Variants in SPOP observed in about 807,000 individuals in gnomAD.
The protein encoded by SPOP is speckle-type POZ protein.
A neutral mutation model predicts 45.6 loss-of-function variants in SPOP; 11 were observed. That is an observed-to-expected ratio of 0.24 (90% CI 0.15 to 0.40). The LOEUF (loss-of-function observed/expected upper bound fraction) is 0.40, where lower values mean the gene tolerates loss of function less well. Ranked by LOEUF, SPOP falls within the 10% of genes least tolerant of loss-of-function variation. The pLI is 1.00. For synonymous variants in SPOP, 166 were observed against 166.3 expected, an observed-to-expected ratio of 1.00 and a Z score of 0.01; for missense variants, 152 against 465.6, an observed-to-expected ratio of 0.33 and a Z score of 6.20.
In SPOP at chr17:49,600,015, T is replaced by C; in HGVS notation, c.*363A>G. The C allele has an allele frequency of 4.1e-6, 1 of 245,470 alleles. No individual in the cohort carries two copies. Among genetic ancestry groups the C allele is most frequent in the African/African-American group, 2.2e-5 (1 of 45,818 alleles). 15.2% of individuals were successfully genotyped at this position (245,470 alleles called of 1,614,324 possible). The stretch of plus-strand genomic sequence containing the variant: ...AACTCAATGTCCTTTCTTTTTTTTT[T>C]TTCCTTTTTGCTCCAGGCACCTGAC... On this transcript the variant is annotated 3_prime_UTR_variant, in exon 10 of 10. Transcript: ENST00000504102. The surrounding 1 kb of genome is among the most constrained non-coding windows in gnomAD (Gnocchi z 4.2).
intron 1 of SPOP, among the ~76,000 whole-genome samples, chr17:49,670,676 A>G (rs752998229): frequency 3.3e-5 from 5 of 152,182 alleles, no homozygotes; most frequent in Non-Finnish European, 5.9e-5. Flanking sequence ...TAGTGTGATG[A>G]ATTTTCAGAA....
chr17:49,640,958 G>A (rs2072635229), intron 1 of SPOP, among the ~76,000 whole-genome samples: 1 of 152,000 alleles, frequency 6.6e-6, no homozygotes, highest in African/African-American at 2.4e-5. Flanking sequence ...GGTCTTCCCT[G>A]ATACCCTTAA....
rs190645940 is a variant in SPOP, at chr17:49,627,128, C to T, written c.-66-4252G>A. 1.9e-4 allele frequency among the ~76,000 whole-genome samples: 29 copies of T among 152,300 alleles called. No individual in the cohort carries two copies. The East Asian group carries it at 5.6e-3, about 29-fold the overall frequency. On this transcript the variant is annotated intron_variant, in intron 1 of 9. Coordinates refer to ENST00000504102, the MANE Select transcript of SPOP (RefSeq NM_001007228.2). ...CCTCCCAAAGTGCTGGGATTACAGG[C>T]ATGAGCCACCACGCCCGGCCAGGAA...
In SPOP at chr17:49,607,870, A is replaced by T; in HGVS notation, c.714+4T>A. ...AACAGACATGTCTTCATCTTGTTAC[A>T]TACCTTTTTGCTCTCCTCCATTTCA... On this transcript the variant is annotated splice_donor_region_variant and intron_variant, in intron 7 of 9. Transcript: ENST00000504102. 1 of 1,611,270 alleles carries T rather than the reference A, an allele frequency of 6.2e-7. No homozygotes were observed.
intron 1 of SPOP, among the ~76,000 whole-genome samples, chr17:49,653,495 C>G (rs2072869025): frequency 6.6e-6 from 1 of 152,040 alleles, no homozygotes; most frequent in African/African-American, 2.4e-5. Context: ...CACTGTTACC[C>G]TGCCGAATGG....
Position 49,622,864 on chromosome 17 carries a change from T to C in SPOP, c.-54A>G. ...CAAAGTCAGGGGGCAAAGATTTCTG[T>C]TCCCTCTTCACCCTGGTCAGATCCA... On this transcript the variant is annotated 5_prime_UTR_variant, in exon 2 of 10. Coordinates refer to ENST00000504102, the MANE Select transcript of SPOP (RefSeq NM_001007228.2). The C allele has an allele frequency of 7.1e-7, 1 of 1,411,154 alleles. No individual in the cohort carries two copies. The allele number at this position is 1,411,154 out of a possible 1,614,324, so 87.4% of individuals were successfully genotyped here.
At chr17:49,645,547 G>A (rs1047813483) in intron 1 of SPOP, among the ~76,000 whole-genome samples, 4 of 151,736 alleles carry the variant, frequency 2.6e-5, no homozygotes, top group East Asian at 1.9e-4. Context: ...TGCCCACCTC[G>A]GCCTCCCAAA....
chr17:49,677,445 C>G (rs1297103358), intron 1 of SPOP, among the ~76,000 whole-genome samples: 1 of 152,228 alleles, frequency 6.6e-6, no homozygotes, highest in Non-Finnish European at 1.5e-5. Flanking sequence ...AAATTCTCCC[C>G]TTTGGACAGG....
chr17:49,640,800 G>A (rs1472496261), intron 1 of SPOP, among the ~76,000 whole-genome samples: 2 of 152,086 alleles, frequency 1.3e-5, no homozygotes, highest in Non-Finnish European at 2.9e-5. Context: ...CTACACTGCC[G>A]TTCTTTGTTG....
At chr17:49,670,858 A>G (rs1310849282) in intron 1 of SPOP, among the ~76,000 whole-genome samples, 1 of 152,174 alleles carries the variant, frequency 6.6e-6, no homozygotes, top group Non-Finnish European at 1.5e-5. Context: ...TATGATGAAA[A>G]TCTAGTAATA....
intron 6 of SPOP, among the ~76,000 whole-genome samples, chr17:49,608,925 C>T (rs1428060390): frequency 6.7e-6 from 1 of 150,340 alleles, no homozygotes; most frequent in Non-Finnish European, 1.5e-5. Context: ...CTTTCTGAGA[C>T]AAAAGTCTTG....
chr17:49,653,466 T>C (rs768721348), intron 1 of SPOP, among the ~76,000 whole-genome samples: 2 of 152,142 alleles, frequency 1.3e-5, no homozygotes. Context: ...TTATTCTTTC[T>C]AATGGTTGCA....
chr17:49,666,843 A>G lies in SPOP; in HGVS notation c.-67+11090T>C, dbSNP rs149682091. 1.5e-3 allele frequency among the ~76,000 whole-genome samples: 227 copies of G among 152,252 alleles called. 3 individuals carry two copies. The highest frequency in any genetic ancestry group is 5.2e-3 in the African/African-American group (218 of 41,550). On this transcript the variant is annotated intron_variant, in intron 1 of 9. Coordinates refer to ENST00000504102, the MANE Select transcript of SPOP (RefSeq NM_001007228.2). Reference sequence around the variant, plus strand: ...GACTCCATCTCAAAAAAACAAAACAAATCTAAAACTCAGTTTGATAAAAGA... The same window carrying G: ...GACTCCATCTCAAAAAAACAAAACAGATCTAAAACTCAGTTTGATAAAAGA...
intron 8 of SPOP, among the ~76,000 whole-genome samples, chr17:49,603,293 G>A (rs894408601): frequency 4.6e-5 from 7 of 152,194 alleles, no homozygotes; most frequent in Admixed American, 1.3e-4. Flanking sequence ...TGAAGTTGCC[G>A]TTTTTGTTTT....
intron 8 of SPOP, among the ~76,000 whole-genome samples, chr17:49,603,527 G>T (rs1173208980): frequency 6.6e-6 from 1 of 152,156 alleles, no homozygotes; most frequent in African/African-American, 2.4e-5. Context: ...GATGGAAATT[G>T]TGTCTCCCAG....
At chr17:49,654,932 TC>T (rs2143505148) in intron 1 of SPOP, among the ~76,000 whole-genome samples, 1 of 152,264 alleles carries the variant, frequency 6.6e-6, no homozygotes, top group African/African-American at 2.4e-5. Flanking sequence ...GAGGAACAGA[TC>T]CTGAATCTTT....
At position 49,607,949 on chromosome 17, in the gene SPOP, C is replaced by G. The variant is rs756622280; in HGVS notation, c.659-20G>C. On this transcript the variant is annotated intron_variant, in intron 6 of 9. Transcript: ENST00000504102. ...AACGAGCTACAAAGTCAAAGAGAAA[C>G]AAGCAGATAAGGCTATCACAGTGAA... 6.2e-7 allele frequency: 1 copy of G among 1,611,052 alleles called. No homozygotes were observed. The highest frequency in any genetic ancestry group is 1.1e-5 in the South Asian group (1 of 90,782).
chr17:49,627,491 T>C (rs1597936924), intron 1 of SPOP, among the ~76,000 whole-genome samples: 1 of 152,308 alleles, frequency 6.6e-6, no homozygotes, highest in East Asian at 1.9e-4. Context: ...AAGGTTTGAT[T>C]TTATGCATTA....
chr17:49,643,524 C>G (rs1198293923), intron 1 of SPOP, among the ~76,000 whole-genome samples: 2 of 152,160 alleles, frequency 1.3e-5, no homozygotes, highest in Non-Finnish European at 2.9e-5. Flanking sequence ...CTTCAAGAAA[C>G]CCTTCTATAA....
Sources: allele counts gnomAD v4.1 joint callset (sites outside exome capture counted in the v4.1 genomes callset), GRCh38; gene constraint gnomAD v4.1.1; non-coding constraint Gnocchi (gnomAD v3.1); transcripts MANE v1.5; gene names NCBI Gene and HGNC (gene_info 2026-07-23, HGNC 2026-07-21).